The following ANKAR variants were observed in gnomAD, a reference collection of about 807,000 sequenced individuals.
The protein encoded by ANKAR is ankyrin and armadillo repeat containing, also known as ankyrin and armadillo repeat-containing protein.
A neutral mutation model predicts 146.2 loss-of-function variants in ANKAR; 136 were observed. That is an observed-to-expected ratio of 0.93 (90% CI 0.81 to 1.07). ANKAR has a LOEUF of 1.07. Among genes scored for constraint, ANKAR ranks in the 50% least tolerant of loss-of-function variants. The probability of loss-of-function intolerance (pLI) is 0.00; values close to 1 mark genes in which losing one functional copy is unlikely to be tolerated. For missense variants in ANKAR, 1,567 were observed against 1,679.9 expected (o/e 0.93, Z 1.18); for synonymous variants, 500 against 575.8 (o/e 0.87, Z 1.88).
intron 7 of ANKAR, among the ~76,000 whole-genome samples, chr2:189,704,304 G>A (rs1016783172): frequency 2.0e-5 from 3 of 150,906 alleles, no homozygotes; most frequent in Admixed American, 2.0e-4. Flanking sequence ...ACCATGACCA[G>A]TTAAATTTTT....
At position 189,689,955 on chromosome 2, in the gene ANKAR, C is replaced by A; in HGVS notation, c.1030C>A (p.Pro344Thr). The change falls in exon 3 of 23, where the codon CCT (proline) becomes ACT (threonine). Residue 344 changes from proline (P) to threonine (T), a missense_variant. By Grantham distance (38) the Pro-to-Thr change is conservative. Coordinates refer to ENST00000684021, the MANE Select transcript of ANKAR (RefSeq NM_001378068.1). ...KVPYLSSLLQ[P>T]FSDDKVKTER... Reference sequence around the variant, plus strand: ...TCCATATTTAAGTAGTCTGCTTCAGCCTTTTTCAGGTAAGAGTATCACCAA... The same window carrying A: ...TCCATATTTAAGTAGTCTGCTTCAGACTTTTTCAGGTAAGAGTATCACCAA... 6.7e-7 allele frequency: 1 copy of A among 1,497,828 alleles called. No individual in the cohort carries two copies. The highest frequency in any genetic ancestry group is 2.5e-5 in the Admixed American group (1 of 40,374). The allele number at this position is 1,497,828 out of a possible 1,614,324, so 92.8% of individuals were successfully genotyped here.
At chr2:189,731,173 A>G (rs1559133027) in intron 16 of ANKAR, among the ~76,000 whole-genome samples, 1 of 152,182 alleles carries the variant, frequency 6.6e-6, no homozygotes, top group Non-Finnish European at 1.5e-5. Context: ...AATGCCTTTA[A>G]TAAAATGACA....
intron 18 of ANKAR, among the ~76,000 whole-genome samples, chr2:189,759,909 TC>T (rs1280077446): frequency 6.6e-6 from 1 of 152,164 alleles, no homozygotes; most frequent in Non-Finnish European, 1.5e-5. Context: ...TCTGCGGCCT[TC>T]TGCAGTGTTT....
chr2:189,676,421 T>A, intron 1 of ANKAR, 35 bp from the exon 2 acceptor site: 1 of 1,440,956 alleles, frequency 6.9e-7, no homozygotes, highest in Admixed American at 2.6e-5. Flanking sequence ...CATGTCAGAT[T>A]TTATTGATAA....
In ANKAR at chr2:189,725,363, C is replaced by T. The variant is rs115700085; in HGVS notation, c.2636-2493C>T. 7.0e-3 allele frequency among the ~76,000 whole-genome samples: 1,064 copies of T among 151,454 alleles called. 4 individuals are homozygous for T. The highest frequency in any genetic ancestry group is 0.011 in the Non-Finnish European group (727 of 67,936). On this transcript the variant is annotated intron_variant, in intron 12 of 22. Coordinates refer to ENST00000684021, the MANE Select transcript of ANKAR (RefSeq NM_001378068.1). ...GATATTCCAGTAGCAATGAGCATAC[C>T]GAGCACCCAAATCTTGGTTTCTAAA...
chr2:189,676,707 A>G lies in ANKAR; in HGVS notation c.217A>G (p.Ser73Gly). Residue 73 changes from serine to glycine, a missense_variant, in exon 2 of 23, where the codon AGT becomes GGT. By Grantham distance (56) the Ser-to-Gly change is moderately conservative. Transcript: ENST00000684021. ...AGTAGACCTCCCATGTGGAATTATG[A>G]GTCAAATGAATAACGTAGGCTTCTC... ...SQVDLPCGIMSQMNNVGFSTA... is the reference protein window; with the variant it reads ...SQVDLPCGIMGQMNNVGFSTA... The G allele has an allele frequency of 1.2e-6, 2 of 1,614,182 alleles. No homozygotes were observed. The highest frequency in any genetic ancestry group is 4.5e-5 in the East Asian group (2 of 44,890).
chr2:189,716,594 A>C (rs1201031853), intron 10 of ANKAR, among the ~76,000 whole-genome samples: 1 of 151,158 alleles, frequency 6.6e-6, no homozygotes, highest in African/African-American at 2.4e-5. Context: ...AACTACTTTA[A>C]AGTTCATATG....
At position 189,688,920 on chromosome 2, in the gene ANKAR, C is replaced by T. The variant is rs1376867464; in HGVS notation, c.602-607C>T. Among the ~76,000 whole-genome samples, 13 of 130,376 alleles carry T rather than the reference C, an allele frequency of 1.0e-4. No homozygotes were observed. In the East Asian group the frequency reaches 3.0e-3, roughly 30 times the overall value. 85.5% of individuals were successfully genotyped at this position (130,376 alleles called of 152,430 possible). On this transcript the variant is annotated intron_variant, in intron 2 of 22. Coordinates refer to ENST00000684021, the MANE Select transcript of ANKAR (RefSeq NM_001378068.1). ...TGAGGAGAAAGTTACTGAAATCAGT[C>T]TCTTGTCCAGTCAAAGCTCTAGTTA... is the stretch of plus-strand genomic sequence containing the variant.
At chr2:189,729,404 G>A (rs2042184714) in intron 15 of ANKAR, among the ~76,000 whole-genome samples, 1 of 152,092 alleles carries the variant, frequency 6.6e-6, no homozygotes. Flanking sequence ...CCAGATCACT[G>A]AATTTCCTCA....
chr2:189,686,139 A>G (rs532431669), intron 2 of ANKAR, among the ~76,000 whole-genome samples: 2 of 152,100 alleles, frequency 1.3e-5, no homozygotes, highest in Admixed American at 1.3e-4. Context: ...TTATCTAACT[A>G]TTTTGCAGAA....
At chr2:189,682,121 C>G (rs1333810526) in intron 2 of ANKAR, among the ~76,000 whole-genome samples, 1 of 152,020 alleles carries the variant, frequency 6.6e-6, no homozygotes, top group Non-Finnish European at 1.5e-5. Context: ...TGGCTCCTGG[C>G]CAATCAAAGA....
chr2:189,676,739 A>G lies in ANKAR; in HGVS notation c.249A>G (p.Ala83=). Residue 83 remains alanine, a synonymous_variant, in exon 2 of 23, where the codon GCA becomes GCG. Transcript: ENST00000684021. ...SQMNNVGFST[A]ILLTPVDPTA... ...TGAATAACGTAGGCTTCTCCACTGC[A>G]ATCCTACTGACTCCCGTGGACCCTA... The G allele has an allele frequency of 6.2e-7, 1 of 1,614,216 alleles. No homozygotes were observed. Among genetic ancestry groups the G allele is most frequent in the Non-Finnish European group, 8.5e-7 (1 of 1,180,042 alleles).
intron 18 of ANKAR, among the ~76,000 whole-genome samples, chr2:189,759,316 T>C (rs2046614655): frequency 6.6e-6 from 1 of 152,050 alleles, no homozygotes; most frequent in African/African-American, 2.4e-5. Context: ...TGGCGCGATC[T>C]CTGCTCACTG....
At chr2:189,717,010 C>T (rs2040553992) in intron 10 of ANKAR, among the ~76,000 whole-genome samples, 1 of 151,974 alleles carries the variant, frequency 6.6e-6, no homozygotes, top group Non-Finnish European at 1.5e-5. Flanking sequence ...TAGGCAATAC[C>T]ATTCAGGACA....
chr2:189,714,436 T>TA (rs1159437220), intron 10 of ANKAR, among the ~76,000 whole-genome samples: 1 of 152,102 alleles, frequency 6.6e-6, no homozygotes, highest in Non-Finnish European at 1.5e-5. Context: ...GCAATCAAAA[T>TA]AGAACTCAGG....
downstream of ANKAR, among the ~76,000 whole-genome samples, chr2:189,761,845 CAG>C (rs377043396): frequency 3.5e-4 from 54 of 152,120 alleles, no homozygotes; most frequent in African/African-American, 1.0e-3. Flanking sequence ...AGGGGGAAAA[CAG>C]GGGTCAGATA....
rs552326587 is a variant in ANKAR, at chr2:189,742,052, G to A, written c.3810+601G>A. 4.6e-5 allele frequency among the ~76,000 whole-genome samples: 7 copies of A among 152,268 alleles called. No individual in the cohort carries two copies. The East Asian group carries it at 7.7e-4, about 17-fold the overall frequency. The stretch of plus-strand genomic sequence containing the variant: ...GATGTAAGGGTGTGTGAAAGAGGCC[G>A]TGCTGGTCACAGCAGTGGCTTGCCT... On this transcript the variant is annotated intron_variant, in intron 20 of 22. Coordinates refer to ENST00000684021, the MANE Select transcript of ANKAR (RefSeq NM_001378068.1).
chr2:189,752,895 A>G (rs754241674), intron 18 of ANKAR: 2 of 1,613,894 alleles, frequency 1.2e-6, no homozygotes, highest in South Asian at 2.2e-5. Context: ...GGAGGAGGAC[A>G]CAACAAAGTG....
chr2:189,744,995 T>TACTACTACTACTACTACTACTACTACC (rs1428096804), intron 22 of ANKAR, among the ~76,000 whole-genome samples: 15 of 65,564 alleles, frequency 2.3e-4, no homozygotes, highest in African/African-American at 5.5e-4. Flanking sequence ...CCATCTCTAC[T>TACTACTACTACTACTACTACTACTACC]ACTACTACTA....
Sources: gnomAD v4.1 joint callset for allele counts (sites outside exome capture counted in the v4.1 genomes callset) on GRCh38, gnomAD v4.1.1 for gene constraint, MANE v1.5 for transcripts, NCBI Gene and HGNC (gene_info 2026-07-23, HGNC 2026-07-21) for gene names.